Variants in SYNPO2 observed in about 807,000 individuals in gnomAD.
SYNPO2 encodes the protein synaptopodin-2.
In SYNPO2, 56 loss-of-function variants were observed where a neutral mutation model predicts 85.0. The observed-to-expected ratio is 0.66, with a 90% confidence interval of 0.53 to 0.82. The LOEUF (loss-of-function observed/expected upper bound fraction) is 0.82. Ranked by LOEUF, SYNPO2 falls within the 40% of genes least tolerant of loss-of-function variation. SYNPO2 has a pLI of 0.00. For missense variants in SYNPO2, 1,575 were observed against 1,534.2 expected, an observed-to-expected ratio of 1.03 and a Z score of -0.44; for synonymous variants, 602 against 591.1, an observed-to-expected ratio of 1.02 and a Z score of -0.27.
At chr4:118,868,525 A>G (rs1402880192) in intron 1 of SYNPO2, among the ~76,000 whole-genome samples, 1 of 152,192 alleles carries the variant, frequency 6.6e-6, no homozygotes, top group Non-Finnish European at 1.5e-5. Context: ...TAAAAAGAGA[A>G]AGGATTTTTG....
intron 1 of SYNPO2, among the ~76,000 whole-genome samples, chr4:118,987,526 G>A (rs555452679): frequency 6.6e-6 from 1 of 152,110 alleles, no homozygotes; most frequent in African/African-American, 2.4e-5. Flanking sequence ...TTCCCTGGGT[G>A]TGGTGGTGAG....
At chr4:119,033,748 T>C in intron 4 of SYNPO2, 2 of 985,162 alleles carry the variant, frequency 2.0e-6, no homozygotes, top group Non-Finnish European at 2.4e-6. Flanking sequence ...TCAATGTCCA[T>C]ATTTTAAAAA....
chr4:119,032,144 C>T (rs937014661), intron 4 of SYNPO2, 117 bp downstream of exon 4: 1 of 1,495,250 alleles, frequency 6.7e-7, no homozygotes, highest in Admixed American at 2.2e-5. Context: ...TAGCAAAGTC[C>T]TCAACTTACT....
chr4:118,888,009 A>G (rs1275332269), upstream of SYNPO2, among the ~76,000 whole-genome samples: 1 of 152,224 alleles, frequency 6.6e-6, no homozygotes, highest in East Asian at 1.9e-4. Flanking sequence ...TAAAACATTT[A>G]AATATTTGGA....
At chr4:118,978,844 G>T (rs998800989) in intron 1 of SYNPO2, among the ~76,000 whole-genome samples, 2 of 150,448 alleles carry the variant, frequency 1.3e-5, no homozygotes, top group African/African-American at 4.9e-5. Flanking sequence ...TAGCCCATTT[G>T]TTGAAAAGTG....
intron 4 of SYNPO2, chr4:119,036,816 A>G: frequency 9.7e-7 from 1 of 1,030,164 alleles, no homozygotes; most frequent in South Asian, 4.5e-5. Flanking sequence ...TCACAGCACT[A>G]CTCAGAGGCA....
chr4:118,862,058 A>G lies in SYNPO2; in HGVS notation c.12+11118A>G. Among the ~76,000 whole-genome samples the G allele has an allele frequency of 1.3e-5, 2 of 151,850 alleles. 1 individual carries two copies. The highest frequency in any genetic ancestry group is 3.9e-4 in the East Asian group (2 of 5,186). ...ATAGTTTTCATTGTAGAGATCTTTCACTTTTTTGGTTGATTGCTAGGTATT... is the reference window on the plus strand; with the variant it reads ...ATAGTTTTCATTGTAGAGATCTTTCGCTTTTTTGGTTGATTGCTAGGTATT... On this transcript the variant is annotated intron_variant, in intron 1 of 4. Coordinates refer to the SYNPO2 transcript ENST00000610556.
intron 1 of SYNPO2, among the ~76,000 whole-genome samples, chr4:118,905,452 G>GTGTA (rs889738151): frequency 6.6e-6 from 1 of 151,862 alleles, no homozygotes; most frequent in Admixed American, 6.6e-5. Flanking sequence ...GCGTGTGTGT[G>GTGTA]TGTGTGTGTC....
At chr4:119,055,348 T>C (rs1481264533) in intron 4 of SYNPO2, among the ~76,000 whole-genome samples, 1 of 152,094 alleles carries the variant, frequency 6.6e-6, no homozygotes, top group African/African-American at 2.4e-5. Context: ...AGAGATGGGG[T>C]TTCACCATGT....
At chr4:118,908,158 G>A (rs1732997905) in intron 1 of SYNPO2, among the ~76,000 whole-genome samples, 1 of 151,982 alleles carries the variant, frequency 6.6e-6, no homozygotes, top group Non-Finnish European at 1.5e-5. Flanking sequence ...TCCTAAATGT[G>A]GAGTTGCTTA....
intron 1 of SYNPO2, among the ~76,000 whole-genome samples, chr4:118,891,805 G>A (rs1732388005): frequency 6.6e-6 from 1 of 152,184 alleles, no homozygotes; most frequent in African/African-American, 2.4e-5. Flanking sequence ...TGAATAACAT[G>A]CACAAAATTA....
chr4:119,022,160 A>C (rs1737746419), intron 1 of SYNPO2, among the ~76,000 whole-genome samples: 1 of 152,120 alleles, frequency 6.6e-6, no homozygotes, highest in South Asian at 2.1e-4. Context: ...GGTTTTTATC[A>C]GTCCATTTAG....
intron 1 of SYNPO2, among the ~76,000 whole-genome samples, chr4:119,020,739 T>C (rs1737692168): frequency 6.6e-6 from 1 of 152,216 alleles, no homozygotes; most frequent in Admixed American, 6.5e-5. Context: ...CTACCTAATT[T>C]TTTTTATAAA....
intron 1 of SYNPO2, among the ~76,000 whole-genome samples, chr4:118,917,455 A>G (rs1300699934): frequency 1.3e-5 from 2 of 152,086 alleles, no homozygotes; most frequent in Non-Finnish European, 2.9e-5. Flanking sequence ...AAAAGAAACA[A>G]ACAAAAGAAA....
chr4:118,853,285 T>C (rs1731450976), intron 1 of SYNPO2, among the ~76,000 whole-genome samples: 1 of 152,222 alleles, frequency 6.6e-6, no homozygotes, highest in Admixed American at 6.5e-5. Flanking sequence ...CCATTGTGAA[T>C]TTAAACTGCT....
intron 1 of SYNPO2, among the ~76,000 whole-genome samples, chr4:118,860,139 G>T (rs974049145): frequency 6.6e-6 from 1 of 152,244 alleles, no homozygotes; most frequent in Admixed American, 6.5e-5. Context: ...TTGTAGTTTT[G>T]ATATGCATTT....
At chr4:118,910,687 T>C (rs1733106258) in intron 1 of SYNPO2, among the ~76,000 whole-genome samples, 3 of 151,996 alleles carry the variant, frequency 2.0e-5, no homozygotes, top group Admixed American at 1.3e-4. Context: ...TTTAAAACTT[T>C]AGCATGTGGG....
intron 1 of SYNPO2, among the ~76,000 whole-genome samples, chr4:119,014,621 A>G (rs562960314): frequency 1.6e-4 from 24 of 152,324 alleles, no homozygotes; most frequent in African/African-American, 5.8e-4. Flanking sequence ...CAAACTCAAA[A>G]CAGAGTATCT....
chr4:118,977,671 G>A (rs1353303793), intron 1 of SYNPO2, among the ~76,000 whole-genome samples: 1 of 152,226 alleles, frequency 6.6e-6, no homozygotes, highest in African/African-American at 2.4e-5. Flanking sequence ...GCAGGGAAGA[G>A]CTTCAGAGGC....
Sources: gnomAD v4.1 joint callset for allele counts (sites outside exome capture counted in the v4.1 genomes callset) on GRCh38, gnomAD v4.1.1 for gene constraint, MANE v1.5 for transcripts, NCBI Gene and HGNC (gene_info 2026-07-23, HGNC 2026-07-21) for gene names.